LRRN1: variants seen among roughly 807,000 people sequenced by gnomAD.
The protein encoded by LRRN1 is leucine-rich repeat neuronal protein 1.
LRRN1 carries 14 observed loss-of-function variants against 45.8 expected under a neutral mutation model. The observed-to-expected ratio is 0.31, with a 90% CI of 0.20 to 0.48. The LOEUF (loss-of-function observed/expected upper bound fraction) is 0.48, where lower values mean the gene tolerates loss of function less well. LRRN1 is among the 20% of genes least tolerant of loss of function. The pLI is 0.99. For synonymous variants in LRRN1, 359 were observed against 330.1 expected, an observed-to-expected ratio of 1.09 and a Z score of -0.95; for missense variants, 789 against 874.2, an observed-to-expected ratio of 0.90 and a Z score of 1.23.
intron 1 of LRRN1, among the ~76,000 whole-genome samples, chr3:3,825,440 T>A (rs1693196343): frequency 6.6e-6 from 1 of 152,220 alleles, no homozygotes; most frequent in African/African-American, 2.4e-5. Context: ...ATCCCCTTCT[T>A]TGTACACTAG....
chr3:3,811,667 T>C (rs1434030542), intron 1 of LRRN1, among the ~76,000 whole-genome samples: 4 of 152,232 alleles, frequency 2.6e-5, no homozygotes, highest in Non-Finnish European at 5.9e-5. Flanking sequence ...TTGGGAATGC[T>C]TTTTGTGATA....
intron 1 of LRRN1, among the ~76,000 whole-genome samples, chr3:3,803,539 T>G (rs932423851): frequency 1.3e-5 from 2 of 152,214 alleles, no homozygotes; most frequent in Non-Finnish European, 2.9e-5. Flanking sequence ...GAACATCTGT[T>G]TTGGGTTAAG....
At chr3:3,824,015 A>T (rs1693164478) in intron 1 of LRRN1, among the ~76,000 whole-genome samples, 1 of 152,152 alleles carries the variant, frequency 6.6e-6, no homozygotes, top group Non-Finnish European at 1.5e-5. Flanking sequence ...CAGGTCCCCT[A>T]ACTCTTGGTC....
chr3:3,837,297 G>T (rs1435138528), intron 1 of LRRN1, among the ~76,000 whole-genome samples: 1 of 149,132 alleles, frequency 6.7e-6, no homozygotes, highest in Non-Finnish European at 1.5e-5. Context: ...GTCCTTGAGA[G>T]CATTTGGATT....
chr3:3,807,188 C>T (rs145853714), intron 1 of LRRN1, among the ~76,000 whole-genome samples: 54 of 152,216 alleles, frequency 3.5e-4, no homozygotes, highest in African/African-American at 7.5e-4. Flanking sequence ...AATGGCTTAT[C>T]TTAAGCTGAC....
intron 1 of LRRN1, among the ~76,000 whole-genome samples, chr3:3,840,604 C>CT (rs1693630382): frequency 6.6e-6 from 1 of 152,078 alleles, no homozygotes; most frequent in Non-Finnish European, 1.5e-5. Context: ...TAAACATCTC[C>CT]TTTTTTATTA....
At chr3:3,824,389 T>C (rs1266577235) in intron 1 of LRRN1, among the ~76,000 whole-genome samples, 1 of 152,214 alleles carries the variant, frequency 6.6e-6, no homozygotes, top group Non-Finnish European at 1.5e-5. Context: ...CAGGCACATG[T>C]TCTATCACCA....
intron 1 of LRRN1, among the ~76,000 whole-genome samples, chr3:3,835,477 A>G (rs1304868194): frequency 6.6e-6 from 1 of 152,172 alleles, no homozygotes; most frequent in Non-Finnish European, 1.5e-5. Flanking sequence ...GGGAAGGTCT[A>G]CAGCTTGCAC....
chr3:3,809,603 G>T (rs1401438089), intron 1 of LRRN1, among the ~76,000 whole-genome samples: 1 of 152,200 alleles, frequency 6.6e-6, no homozygotes, highest in Non-Finnish European at 1.5e-5. Flanking sequence ...TAGTGTTACA[G>T]GACATGCAGC....
rs7648844 is a variant in LRRN1, at chr3:3,846,969, C to T, written c.*177C>T. ...TATAGCGTATCGCAAGGGTTTGACA[C>T]GGCTGCCAGCGACTCTAGGCTTCCA... On this transcript the variant is annotated 3_prime_UTR_variant, in exon 2 of 2. Transcript: ENST00000319331. This position sits in a 1 kb window ranked among gnomAD's most constrained non-coding sequence, Gnocchi z 5.7. 0.031 allele frequency: 14,972 copies of T among 490,134 alleles called. 289 individuals are homozygous for T. The highest frequency in any genetic ancestry group is 0.039 in the Non-Finnish European group (10,658 of 272,614). 30.4% of individuals were successfully genotyped at this position (490,134 alleles called of 1,614,324 possible). A position where few individuals can be genotyped will look rare whatever the true frequency, so the allele number is the denominator to read the frequency against.
In LRRN1 at chr3:3,845,370, C is replaced by A. The variant is rs1559313215; in HGVS notation, c.729C>A (p.Ser243Arg). Residue 243 changes from serine to arginine, a missense_variant, in exon 2 of 2, where the codon AGC becomes AGA. Physicochemically the swap from Ser to Arg is moderately radical, Grantham distance 110. Transcript: ENST00000319331. The surrounding 1 kb of genome is among the most constrained non-coding windows in gnomAD (Gnocchi z 6.5). ...TGGTGGGTCTGGATAGCCTTGAGAG[C>A]CTGTCTTTTTATGATAACAAACTGG... ...NALVGLDSLESLSFYDNKLVK... is the reference protein window; with the variant it reads ...NALVGLDSLERLSFYDNKLVK... The A allele has an allele frequency of 6.2e-7, 1 of 1,614,032 alleles. No homozygotes were observed. The highest frequency in any genetic ancestry group is 1.7e-5 in the Admixed American group (1 of 60,006).
chr3:3,802,974 A>G (rs1320759432), intron 1 of LRRN1, among the ~76,000 whole-genome samples: 1 of 128,488 alleles, frequency 7.8e-6, no homozygotes, highest in Admixed American at 8.1e-5. Context: ...CTTGGTAAAT[A>G]AAACTGATAA....
At chr3:3,803,153 T>C (rs1007703991) in intron 1 of LRRN1, among the ~76,000 whole-genome samples, 1 of 152,226 alleles carries the variant, frequency 6.6e-6, no homozygotes, top group Non-Finnish European at 1.5e-5. Flanking sequence ...GGTTAGTCTG[T>C]GCTAAGGCCA....
At position 3,816,122 on chromosome 3, in the gene LRRN1, G is replaced by C. The variant is rs1421282205; in HGVS notation, c.-279+16203G>C. 6.6e-6 allele frequency among the ~76,000 whole-genome samples: 1 copy of C among 152,108 alleles called. No individual in the cohort carries two copies. Among genetic ancestry groups the C allele is most frequent in the Non-Finnish European group, 1.5e-5 (1 of 68,022 alleles). Reference sequence around the variant, plus strand: ...TTTACTTTTAATAATGAACATATTAGTTGAAGAGCTATTATAGAATGCACT... The same window carrying C: ...TTTACTTTTAATAATGAACATATTACTTGAAGAGCTATTATAGAATGCACT... On this transcript the variant is annotated intron_variant, in intron 1 of 1. Coordinates refer to ENST00000319331, the MANE Select transcript of LRRN1 (RefSeq NM_020873.7). The surrounding 1 kb of genome is among the most constrained non-coding windows in gnomAD (Gnocchi z 4.0).
intron 1 of LRRN1, among the ~76,000 whole-genome samples, chr3:3,834,474 C>A (rs1367985248): frequency 1.6e-5 from 2 of 125,002 alleles, no homozygotes; most frequent in African/African-American, 5.8e-5. Context: ...CCTTTAGAAC[C>A]ACTCCTGGTA....
intron 1 of LRRN1, among the ~76,000 whole-genome samples, chr3:3,835,749 A>G (rs1693496403): frequency 6.6e-6 from 1 of 152,122 alleles, no homozygotes; most frequent in Non-Finnish European, 1.5e-5. Flanking sequence ...CCTATCTGAC[A>G]CAATGCTATG....
intron 1 of LRRN1, among the ~76,000 whole-genome samples, chr3:3,814,038 T>TA (rs1270925314): frequency 7.2e-5 from 11 of 152,038 alleles, no homozygotes; most frequent in East Asian, 5.8e-4. Flanking sequence ...TCAACTGCAG[T>TA]ATCCAATAGA....
At chr3:3,820,052 TTTGTTGTTG>T (rs71040092) in intron 1 of LRRN1, among the ~76,000 whole-genome samples, 3 of 151,724 alleles carry the variant, frequency 2.0e-5, no homozygotes, top group African/African-American at 4.8e-5. Context: ...CCCATTCTCT[TTTGTTGTTG>T]TTGTTGTTGT....
At chr3:3,818,120 G>A (rs1030817554) in intron 1 of LRRN1, among the ~76,000 whole-genome samples, 10 of 152,192 alleles carry the variant, frequency 6.6e-5, no homozygotes, top group Admixed American at 2.0e-4. Flanking sequence ...AGGGCATGGC[G>A]AAATCTGTCC....
Sources: gnomAD v4.1 joint callset for allele counts (sites outside exome capture counted in the v4.1 genomes callset) on GRCh38, gnomAD v4.1.1 for gene constraint, Gnocchi (gnomAD v3.1) non-coding constraint, MANE v1.5 for transcripts, NCBI Gene and HGNC (gene_info 2026-07-23, HGNC 2026-07-21) for gene names.